The following TRAPPC9 variants were observed in gnomAD, a reference collection of about 807,000 sequenced individuals.
TRAPPC9 encodes IKK2 binding protein.
Under a neutral mutation model 124.0 loss-of-function variants are expected in TRAPPC9, and 83 were observed. The ratio of observed to expected loss-of-function variants is 0.67; its 90% CI spans 0.56 to 0.80. The LOEUF (loss-of-function observed/expected upper bound fraction) is 0.80. Ranked by LOEUF, TRAPPC9 falls within the 30% of genes least tolerant of loss-of-function variation. TRAPPC9 has a pLI of 0.00. For missense variants in TRAPPC9, 1,302 were observed against 1,508.3 expected (o/e 0.86, Z 2.27); for synonymous variants, 638 against 617.5 (o/e 1.03, Z -0.49).
Position 139,966,275 on chromosome 8 carries a change from GT to G in TRAPPC9, c.2810+22450del, listed in dbSNP as rs569638443. Among the ~76,000 whole-genome samples, 68 of 152,282 alleles carry G rather than the reference GT, an allele frequency of 4.5e-4. 1 individual carries two copies. The highest frequency in any genetic ancestry group is 1.6e-3 in the African/African-American group (65 of 41,572). ...CTGCATCCAAGCCCCACTTTGCTGG[GT>G]TCCCGGCACACGGAGTGGTGGGAAA... On this transcript the variant is annotated intron_variant, in intron 19 of 22. Coordinates refer to ENST00000438773, the MANE Select transcript of TRAPPC9 (RefSeq NM_001160372.4).
chr8:139,804,917 C>A (rs1823935255), intron 21 of TRAPPC9, among the ~76,000 whole-genome samples: 1 of 152,194 alleles, frequency 6.6e-6, no homozygotes, highest in Admixed American at 6.5e-5. Context: ...CCAAGGAAAG[C>A]TCCCCACCAG....
At chr8:139,965,400 C>T (rs758303845) in intron 19 of TRAPPC9, among the ~76,000 whole-genome samples, 26 of 152,280 alleles carry the variant, frequency 1.7e-4, no homozygotes, top group Middle Eastern at 6.8e-3. Flanking sequence ...GGCTCCCAGC[C>T]ACCTCATTAG....
At chr8:140,446,362 T>TCTAGAGCAGGTAAGAGC (rs202199655) in intron 2 of TRAPPC9, among the ~76,000 whole-genome samples, 12,767 of 150,126 alleles carry the variant, frequency 0.085, 591 homozygotes, top group African/African-American at 0.11. Context: ...AAATGGAAAG[T>TCTAGAGCAGGTAAGAGC]CTGTACAATA....
intron 19 of TRAPPC9, among the ~76,000 whole-genome samples, chr8:139,972,417 T>C (rs78298345): frequency 0.038 from 5,796 of 152,224 alleles, 127 homozygotes; most frequent in African/African-American, 0.061. Flanking sequence ...AAAAGAACCG[T>C]ATTTTAGGAG....
intron 21 of TRAPPC9, among the ~76,000 whole-genome samples, chr8:139,758,212 T>C (rs995609630): frequency 2.6e-5 from 4 of 152,206 alleles, no homozygotes; most frequent in Admixed American, 2.6e-4. Flanking sequence ...ATCGCTGGAC[T>C]TGCTGGCTGG....
intron 21 of TRAPPC9, among the ~76,000 whole-genome samples, chr8:139,830,077 C>G (rs1203258216): frequency 6.6e-6 from 1 of 152,214 alleles, no homozygotes; most frequent in Non-Finnish European, 1.5e-5. Context: ...CTGAAGTTAG[C>G]TGGAAACAGA....
intron 21 of TRAPPC9, among the ~76,000 whole-genome samples, chr8:139,870,117 AAG>A (rs1192702359): frequency 6.6e-6 from 1 of 152,208 alleles, no homozygotes; most frequent in Non-Finnish European, 1.5e-5. Context: ...ACACGGACAG[AAG>A]AGAGTCCAAC....
intron 7 of TRAPPC9, among the ~76,000 whole-genome samples, chr8:140,377,649 A>C (rs1422840686): frequency 6.6e-6 from 1 of 152,144 alleles, no homozygotes; most frequent in Non-Finnish European, 1.5e-5. Context: ...CTCCAATGAC[A>C]ACTCATGCAG....
At chr8:140,176,783 G>A (rs2062080536) in intron 17 of TRAPPC9, among the ~76,000 whole-genome samples, 1 of 152,106 alleles carries the variant, frequency 6.6e-6, no homozygotes, top group Non-Finnish European at 1.5e-5. Context: ...CATAATATAG[G>A]AGAGTTCCAG....
intron 21 of TRAPPC9, among the ~76,000 whole-genome samples, chr8:139,868,033 GGT>G (rs1389020570): frequency 6.6e-6 from 1 of 152,180 alleles, no homozygotes; most frequent in Non-Finnish European, 1.5e-5. Flanking sequence ...ATAATTTGGA[GGT>G]GTTTGGGGCA....
chr8:139,837,218 C>G (rs532917107), intron 21 of TRAPPC9, among the ~76,000 whole-genome samples: 1 of 152,318 alleles, frequency 6.6e-6, no homozygotes, highest in South Asian at 2.1e-4. Context: ...CATGCAAGAG[C>G]CCTCCTGCTG....
At chr8:140,049,872 A>T (rs969546121) in intron 17 of TRAPPC9, among the ~76,000 whole-genome samples, 1 of 152,282 alleles carries the variant, frequency 6.6e-6, no homozygotes, top group African/African-American at 2.4e-5. Context: ...AAACTTGTCC[A>T]AGATCAAGTG....
intron 7 of TRAPPC9, among the ~76,000 whole-genome samples, chr8:140,379,153 T>A (rs562663228): frequency 4.5e-4 from 69 of 152,194 alleles, no homozygotes; most frequent in Non-Finnish European, 8.2e-4. Flanking sequence ...CCCAGCCTGG[T>A]AACTGGGGCC....
intron 17 of TRAPPC9, among the ~76,000 whole-genome samples, chr8:140,108,485 A>G (rs984997772): frequency 3.9e-5 from 6 of 152,256 alleles, no homozygotes; most frequent in African/African-American, 2.4e-5. Context: ...ATTTGACTTT[A>G]CAGCATTTTG....
At position 140,451,172 on chromosome 8, in the gene TRAPPC9, A is replaced by G; in HGVS notation, c.202T>C (p.Trp68Arg). Residue 68 changes from tryptophan (W) to arginine (R), a missense_variant, in exon 2 of 23, where the codon TGG becomes CGG. Trp to Arg is a moderately radical substitution (Grantham distance 101). Transcript: ENST00000438773. ...RHHYPPENNE[W>R]GDFQTHRKVV... ...TTGCGGTGGGTCTGGAAGTCACCCC[A>G]CTCGTTGTTCTCGGGTGGGTAGTGG... 3 of 1,611,340 alleles carry G rather than the reference A, an allele frequency of 1.9e-6. No individual in the cohort carries two copies. Among genetic ancestry groups the G allele is most frequent in the East Asian group, 4.5e-5 (2 of 44,800 alleles).
intron 15 of TRAPPC9, among the ~76,000 whole-genome samples, chr8:140,261,139 C>A (rs759902587): frequency 6.6e-6 from 1 of 152,154 alleles, no homozygotes; most frequent in Non-Finnish European, 1.5e-5. Context: ...GGACTTTCTG[C>A]GGCACCTGGC....
intron 20 of TRAPPC9, among the ~76,000 whole-genome samples, chr8:139,891,480 G>A (rs1480132836): frequency 1.3e-5 from 2 of 152,208 alleles, no homozygotes; most frequent in Admixed American, 6.5e-5. Context: ...TGGTTCCCAC[G>A]CCTATGCTTC....
intron 21 of TRAPPC9, among the ~76,000 whole-genome samples, chr8:139,834,405 C>T (rs1418772203): frequency 1.3e-5 from 2 of 152,214 alleles, no homozygotes; most frequent in Non-Finnish European, 2.9e-5. Context: ...TGACCTAGGA[C>T]AATGACGTGT....
At chr8:139,858,886 C>T (rs566468555) in intron 21 of TRAPPC9, among the ~76,000 whole-genome samples, 9 of 150,288 alleles carry the variant, frequency 6.0e-5, no homozygotes, top group African/African-American at 9.8e-5. Context: ...AAACACGCCT[C>T]GCATAAGTCC....
Sources: allele counts gnomAD v4.1 joint callset (sites outside exome capture counted in the v4.1 genomes callset), GRCh38; gene constraint gnomAD v4.1.1; transcripts MANE v1.5; gene names NCBI Gene and HGNC (gene_info 2026-07-23, HGNC 2026-07-21).